XPR1: variants seen among roughly 807,000 people sequenced by gnomAD.
XPR1 encodes solute carrier family 53 member 1.
A neutral mutation model predicts 87.5 loss-of-function variants in XPR1; 28 were observed. The ratio of observed to expected loss-of-function variants is 0.32; its 90% CI spans 0.24 to 0.44. The LOEUF is 0.44. Among genes scored for constraint, XPR1 ranks in the 20% least tolerant of loss-of-function variants. The pLI is 1.00. For synonymous variants in XPR1, 300 were observed against 306.1 expected, an observed-to-expected ratio of 0.98 and a Z score of 0.21; for missense variants, 559 against 862.3, an observed-to-expected ratio of 0.65 and a Z score of 4.41.
At chr1:180,660,742 T>C (rs1655741438) in intron 1 of XPR1, among the ~76,000 whole-genome samples, 1 of 152,242 alleles carries the variant, frequency 6.6e-6, no homozygotes, top group South Asian at 2.1e-4. Context: ...TTTGAATGTT[T>C]GAAGACTTAT....
intron 1 of XPR1, among the ~76,000 whole-genome samples, chr1:180,641,056 C>A (rs75310654): frequency 0.043 from 6,519 of 152,156 alleles, 499 homozygotes; most frequent in African/African-American, 0.15. Context: ...ATATTAATAA[C>A]ACATAGAAAA....
intron 2 of XPR1, among the ~76,000 whole-genome samples, chr1:180,744,812 G>A (rs1571791331): frequency 6.6e-6 from 1 of 151,642 alleles, no homozygotes; most frequent in East Asian, 1.9e-4. Context: ...CACCACACCT[G>A]GCTAGTTTTT....
rs1345933518 is a variant in XPR1 at position 180,884,232 on chromosome 1, GTTTCT to G, written c.*178_*182del. ...TATGGACTCCAAACAAGCTCACTGT[GTTTCT>G]TTTCTTTTCTTCTGGTTTAATTTTA... On this transcript the variant is annotated 3_prime_UTR_variant, in exon 15 of 15. Coordinates refer to ENST00000367590, the MANE Select transcript of XPR1 (RefSeq NM_004736.4). 2.0e-5 allele frequency: 10 copies of G among 492,466 alleles called. No homozygotes were observed. Among genetic ancestry groups the G allele is most frequent in the African/African-American group, 4.0e-5 (2 of 50,114 alleles). The allele number at this position is 492,466 out of a possible 1,614,324, so 30.5% of individuals were successfully genotyped here.
rs1350901501 is a variant in XPR1 at position 180,873,891 on chromosome 1, C to T, written c.1757C>T (p.Pro586Leu). Reference protein sequence around the residue: ...QISITSTTLLPHSGDIIATVF... With the variant: ...QISITSTTLLLHSGDIIATVF... ...TCGATTACCTCTACAACTTTGTTGC[C>T]TCATTCTGGGGACATCATTGCTACT... The change falls in exon 13 of 15, where the codon CCT becomes CTT. Residue 586 changes from proline to leucine, a missense_variant. Physicochemically the swap from Pro to Leu is moderately conservative, Grantham distance 98. This residue lies in a region of XPR1 where 264 missense variants were observed against 377.2 expected (regional missense o/e 0.70). Coordinates refer to ENST00000367590, the MANE Select transcript of XPR1 (RefSeq NM_004736.4). The T allele has an allele frequency of 1.9e-6, 3 of 1,614,100 alleles. No individual in the cohort carries two copies. The highest frequency in any genetic ancestry group is 2.2e-5 in the South Asian group (2 of 91,076).
intron 2 of XPR1, among the ~76,000 whole-genome samples, chr1:180,708,482 T>A (rs1260212160): frequency 6.6e-6 from 1 of 152,146 alleles, no homozygotes; most frequent in African/African-American, 2.4e-5. Flanking sequence ...TTATATATAT[T>A]TTACCACAAT....
At chr1:180,704,816 T>TG (rs1285766536) in intron 2 of XPR1, among the ~76,000 whole-genome samples, 76 of 138,590 alleles carry the variant, frequency 5.5e-4, no homozygotes, top group African/African-American at 1.9e-3. Flanking sequence ...TGTTGGTTGT[T>TG]TTTTTTTTTT....
intron 2 of XPR1, among the ~76,000 whole-genome samples, chr1:180,687,082 A>T (rs987455400): frequency 3.3e-5 from 5 of 152,136 alleles, no homozygotes; most frequent in African/African-American, 1.2e-4. Context: ...ACCTCCTTTA[A>T]CTATTTTTAA....
chr1:180,728,283 G>T (rs1355191689), intron 2 of XPR1, among the ~76,000 whole-genome samples: 1 of 131,890 alleles, frequency 7.6e-6, no homozygotes, highest in Non-Finnish European at 1.6e-5. Flanking sequence ...TGAGAAAAAG[G>T]AGTTGTTTAT....
At chr1:180,637,383 T>C (rs965123974) in intron 1 of XPR1, among the ~76,000 whole-genome samples, 4 of 152,092 alleles carry the variant, frequency 2.6e-5, no homozygotes, top group African/African-American at 9.7e-5. Flanking sequence ...AAAGATTCCA[T>C]AACAGTAATA....
At chr1:180,824,146 T>C (rs1365634691) in intron 7 of XPR1, among the ~76,000 whole-genome samples, 1 of 152,228 alleles carries the variant, frequency 6.6e-6, no homozygotes, top group Non-Finnish European at 1.5e-5. Flanking sequence ...CACTTCACCA[T>C]GATTCTTTGT....
chr1:180,857,441 T>C (rs1652073984), intron 11 of XPR1, among the ~76,000 whole-genome samples: 1 of 152,204 alleles, frequency 6.6e-6, no homozygotes, highest in Non-Finnish European at 1.5e-5. Flanking sequence ...ACCTGGTACC[T>C]AGAATAATAT....
chr1:180,721,982 G>T (rs1052540755), intron 2 of XPR1, among the ~76,000 whole-genome samples: 1 of 152,082 alleles, frequency 6.6e-6, no homozygotes, highest in Non-Finnish European at 1.5e-5. Context: ...TGTACGTAAG[G>T]CCAGGCTTGG....
At chr1:180,803,111 AC>A (rs1354951602) in intron 3 of XPR1, among the ~76,000 whole-genome samples, 1 of 152,220 alleles carries the variant, frequency 6.6e-6, no homozygotes, top group Non-Finnish European at 1.5e-5. Flanking sequence ...TTTTCCAAAT[AC>A]CAGAGAGGCT....
intron 2 of XPR1, among the ~76,000 whole-genome samples, chr1:180,754,352 GT>G (rs925080849): frequency 1.3e-5 from 2 of 152,016 alleles, no homozygotes; most frequent in African/African-American, 2.4e-5. Flanking sequence ...ACAATAAAAA[GT>G]TTTTTTATAA....
At chr1:180,726,362 T>C (rs1406472241) in intron 2 of XPR1, among the ~76,000 whole-genome samples, 2 of 152,154 alleles carry the variant, frequency 1.3e-5, no homozygotes, top group Non-Finnish European at 2.9e-5. Flanking sequence ...CTTTCTCTCT[T>C]CACAATAAAT....
intron 2 of XPR1, among the ~76,000 whole-genome samples, chr1:180,709,270 T>G (rs1248069257): frequency 1.3e-5 from 2 of 152,222 alleles, no homozygotes; most frequent in Non-Finnish European, 2.9e-5. Flanking sequence ...GGTTAGTGTG[T>G]TTTTTAAACA....
At chr1:180,738,496 C>G (rs1658803740) in intron 2 of XPR1, among the ~76,000 whole-genome samples, 1 of 152,032 alleles carries the variant, frequency 6.6e-6, no homozygotes, top group South Asian at 2.1e-4. Context: ...TTTTTAGAAT[C>G]TTTATTGAGG....
At chr1:180,756,436 T>C (rs1647746918) in intron 2 of XPR1, among the ~76,000 whole-genome samples, 1 of 152,210 alleles carries the variant, frequency 6.6e-6, no homozygotes. Context: ...TTTTATTTCT[T>C]CTTTGGGATA....
At chr1:180,882,655 C>T (rs1362587777) in intron 14 of XPR1, among the ~76,000 whole-genome samples, 1 of 152,132 alleles carries the variant, frequency 6.6e-6, no homozygotes, top group African/African-American at 2.4e-5. Context: ...CACACTCAGC[C>T]ACCTGATTTT....
Sources: allele counts gnomAD v4.1 joint callset (sites outside exome capture counted in the v4.1 genomes callset), GRCh38; gene constraint gnomAD v4.1.1; regional missense constraint gnomAD v4.1.1; transcripts MANE v1.5; gene names NCBI Gene and HGNC (gene_info 2026-07-23, HGNC 2026-07-21).